BEND2: variants seen among roughly 807,000 people sequenced by gnomAD.
The protein encoded by BEND2 is BEN domain-containing protein 2.
In BEND2, 19 loss-of-function variants were observed where a neutral mutation model predicts 43.8. That is an observed-to-expected ratio of 0.43 (90% CI 0.30 to 0.64). The LOEUF (loss-of-function observed/expected upper bound fraction) is 0.64, where lower values mean the gene tolerates loss of function less well. Ranked by LOEUF, BEND2 falls within the 30% of genes least tolerant of loss-of-function variation. The pLI is 0.11. For synonymous variants in BEND2, 226 were observed against 210.1 expected, an observed-to-expected ratio of 1.08 and a Z score of -0.66; for missense variants, 544 against 574.0, an observed-to-expected ratio of 0.95 and a Z score of 0.53.
At chrX:18,197,838 G>A (rs1925008291) in intron 6 of BEND2, among the ~76,000 whole-genome samples, 1 of 111,382 alleles carries the variant, frequency 9.0e-6, no homozygotes, top group Non-Finnish European at 1.9e-5. Context: ...GGACCTAGGG[G>A]GAGGTAACTG....
chrX:18,166,889 T>A (rs966746180), intron 13 of BEND2, among the ~76,000 whole-genome samples: 1 of 108,983 alleles, frequency 9.2e-6, no homozygotes, highest in Non-Finnish European at 1.9e-5. Context: ...AGACCCTGTC[T>A]CCAAAATAAA....
At chrX:18,207,813 G>C (rs1438247792) in intron 4 of BEND2, among the ~76,000 whole-genome samples, 2 of 111,322 alleles carry the variant, frequency 1.8e-5, no homozygotes, top group Non-Finnish European at 3.8e-5. Flanking sequence ...GAGGTCAGGA[G>C]TTCGAGGCCA....
intron 13 of BEND2, among the ~76,000 whole-genome samples, chrX:18,169,992 T>C (rs1385100972): frequency 8.9e-6 from 1 of 112,233 alleles, no homozygotes; most frequent in Non-Finnish European, 1.9e-5. Context: ...AAGACACTAT[T>C]TCTTCTATAA....
intron 13 of BEND2, among the ~76,000 whole-genome samples, chrX:18,167,274 G>A (rs975437490): frequency 9.3e-5 from 10 of 107,916 alleles, no homozygotes; most frequent in Non-Finnish European, 1.7e-4. Flanking sequence ...GTGAGACCCT[G>A]TCTCAAAGAA....
intron 12 of BEND2, among the ~76,000 whole-genome samples, chrX:18,173,825 TAAC>T (rs1334038916): frequency 9.0e-6 from 1 of 111,639 alleles, no homozygotes; most frequent in Non-Finnish European, 1.9e-5. Flanking sequence ...GTAGGAAAAA[TAAC>T]AATCAGTCTT....
intron 1 of BEND2, among the ~76,000 whole-genome samples, chrX:18,218,859 C>CA (rs1304173465): frequency 3.6e-5 from 4 of 111,507 alleles, no homozygotes; most frequent in South Asian, 7.5e-4. Flanking sequence ...GACTCTGCCT[C>CA]AAAAAAACAA....
intron 7 of BEND2, among the ~76,000 whole-genome samples, chrX:18,192,686 G>C (rs1429251515): frequency 3.6e-5 from 4 of 112,338 alleles, no homozygotes; most frequent in Non-Finnish European, 7.5e-5. Context: ...TCAAAAACTA[G>C]AAACAGCCAA....
chrX:18,204,648 C>T (rs1812558150), intron 4 of BEND2, among the ~76,000 whole-genome samples: 1 of 111,812 alleles, frequency 8.9e-6, no homozygotes, highest in Non-Finnish European at 1.9e-5. Context: ...AAATGTCTTG[C>T]TCCTATTCGA....
chrX:18,197,255 T>C (rs1444921455), intron 6 of BEND2, among the ~76,000 whole-genome samples: 1 of 110,689 alleles, frequency 9.0e-6, no homozygotes, highest in African/African-American at 3.3e-5. Context: ...GCCAACATGG[T>C]GAAACCCCGT....
chrX:18,202,584 A>C (rs1355925091), intron 5 of BEND2, among the ~76,000 whole-genome samples: 1 of 111,237 alleles, frequency 9.0e-6, no homozygotes, highest in Non-Finnish European at 1.9e-5. Context: ...CACCACACAA[A>C]CCGGCTGGCA....
At chrX:18,217,784 A>G (rs1925715940) in intron 1 of BEND2, among the ~76,000 whole-genome samples, 1 of 111,659 alleles carries the variant, frequency 9.0e-6, no homozygotes, top group African/African-American at 3.2e-5. Flanking sequence ...ATTGCCAATA[A>G]GAAGTGTGTT....
intron 9 of BEND2, among the ~76,000 whole-genome samples, chrX:18,179,084 T>C (rs1924282234): frequency 9.0e-6 from 1 of 110,923 alleles, no homozygotes; most frequent in South Asian, 3.8e-4. Context: ...TATGGATTTC[T>C]CTACAAACTA....
rs747951664 is a variant in BEND2 at position 18,171,175 on chromosome X, G to A, written c.2011C>T (p.Arg671Trp). The change falls in exon 13 of 14, where the codon CGG (arginine) becomes TGG (tryptophan). Residue 671 changes from arginine to tryptophan, a missense_variant. Coordinates refer to ENST00000380033, the MANE Select transcript of BEND2 (RefSeq NM_153346.5). ...SYFGRPWRNI[R>W]MPCSVLTLAK... Reference sequence around the variant, plus strand: ...AAAGTCAGTACTGAACATGGCATCCGTATATTTCTCCATGGTCTTCCAAAA... The same window carrying A: ...AAAGTCAGTACTGAACATGGCATCCATATATTTCTCCATGGTCTTCCAAAA... The A allele has an allele frequency of 4.1e-6, 5 of 1,208,460 alleles. No individual in the cohort carries two copies. The highest frequency in any genetic ancestry group is 2.3e-4 in the Middle Eastern group (1 of 4,344).
intron 8 of BEND2, among the ~76,000 whole-genome samples, chrX:18,185,986 A>G (rs759807897): frequency 8.9e-6 from 1 of 112,013 alleles, no homozygotes; most frequent in South Asian, 3.7e-4. Context: ...GACTTCTTCA[A>G]TCTGAAAGAA....
Position 18,212,570 on chromosome X carries a change from G to T in BEND2, c.487C>A (p.Pro163Thr). ...AAACAAACCATAATATCTACCTCTG[G>T]AGTATAGAATCTTCCTCTTTTTGGA... The part of the protein sequence containing the change: ...DFPKRGRFYT[P>T]EVQSSISPPA... Residue 163 changes from proline to threonine, a missense_variant, in exon 4 of 14, where the codon CCA becomes ACA. By Grantham distance (38) the Pro-to-Thr change is conservative (BLOSUM62 -1). This residue lies in a region of BEND2 where 501 missense variants were observed against 501.6 expected (regional missense o/e 1.00). Coordinates refer to ENST00000380033, the MANE Select transcript of BEND2 (RefSeq NM_153346.5). 3.5e-6 allele frequency: 4 copies of T among 1,145,667 alleles called. No homozygotes were observed. Among genetic ancestry groups the T allele is most frequent in the Non-Finnish European group, 4.8e-6 (4 of 836,839 alleles). The allele number at this position is 1,145,667 out of a possible 1,213,427, so 94.4% of individuals were successfully genotyped here. A position where few individuals can be genotyped will look rare whatever the true frequency, so the allele number is the denominator to read the frequency against.
chrX:18,199,540 T>C (rs1925070733), intron 6 of BEND2, among the ~76,000 whole-genome samples: 1 of 112,002 alleles, frequency 8.9e-6, no homozygotes, highest in African/African-American at 3.2e-5. Context: ...TAAGATGTTA[T>C]CATTGAGGAA....
In BEND2 at chrX:18,174,266, AAC is replaced by A. The variant is rs1250251234; in HGVS notation, c.1753-10_1753-9del. On this transcript the variant is annotated splice_polypyrimidine_tract_variant and intron_variant, in intron 11 of 13. Transcript: ENST00000380033. ...ATTTTTGCGAACAGTTTTCTGTTGAAACACAAAATCATATCCGTAAACAAAGT... is the reference window on the plus strand; with the variant it reads ...ATTTTTGCGAACAGTTTTCTGTTGAAACAAAATCATATCCGTAAACAAAGT... 2 of 1,197,683 alleles carry A rather than the reference AAC, an allele frequency of 1.7e-6. No individual in the cohort carries two copies.
At chrX:18,204,104 T>A (rs1925259244) in intron 4 of BEND2, among the ~76,000 whole-genome samples, 189 bp from the exon 5 acceptor site, 1 of 112,464 alleles carries the variant, frequency 8.9e-6, no homozygotes, top group African/African-American at 3.2e-5. Context: ...AAAATAAGCA[T>A]TCCTATGTAT....
chrX:18,208,428 G>C (rs957830508), intron 4 of BEND2, among the ~76,000 whole-genome samples: 1 of 110,999 alleles, frequency 9.0e-6, no homozygotes, highest in African/African-American at 3.3e-5. Context: ...GGAGGTTGCA[G>C]TGAGCCAAGA....
Sources: allele counts gnomAD v4.1 joint callset (sites outside exome capture counted in the v4.1 genomes callset), GRCh38; gene constraint gnomAD v4.1.1; regional missense constraint gnomAD v4.1.1; transcripts MANE v1.5; gene names NCBI Gene and HGNC (gene_info 2026-07-23, HGNC 2026-07-21).